The following HSD11B1 variants were observed in gnomAD, a reference collection of about 807,000 sequenced individuals.
The protein encoded by HSD11B1 is 11-beta-hydroxysteroid dehydrogenase 1.
Under a neutral mutation model 22.1 loss-of-function variants are expected in HSD11B1, and 15 were observed. The ratio of observed to expected loss-of-function variants is 0.68; its 90% CI spans 0.45 to 1.04. The LOEUF (loss-of-function observed/expected upper bound fraction) is 1.04. Ranked by LOEUF, HSD11B1 falls within the 50% of genes least tolerant of loss-of-function variation. The probability of loss-of-function intolerance (pLI) is 0.00; values close to 1 mark genes in which losing one functional copy is unlikely to be tolerated. For missense variants in HSD11B1, 281 were observed against 357.6 expected, an observed-to-expected ratio of 0.79 and a Z score of 1.73; for synonymous variants, 122 against 125.2, an observed-to-expected ratio of 0.97 and a Z score of 0.17.
At chr1:209,700,188 T>C (rs143196779), upstream of HSD11B1, among the ~76,000 whole-genome samples, 743 of 152,360 alleles carry the variant, frequency 4.9e-3, 4 homozygotes, top group African/African-American at 0.016. Flanking sequence ...AACCCGACAT[T>C]TCCCTTCCAC....
At position 209,734,206 on chromosome 1, in the gene HSD11B1, CA is replaced by C. The variant is rs550084824; in HGVS notation, c.662-94del. The C allele has an allele frequency of 3.7e-4, 345 of 923,764 alleles. 1 individual carries two copies. The highest frequency in any genetic ancestry group is 2.2e-3 in the Middle Eastern group (8 of 3,618). 57.2% of individuals were successfully genotyped at this position (923,764 alleles called of 1,614,324 possible). A position where few individuals can be genotyped will look rare whatever the true frequency, so the allele number is the denominator to read the frequency against. On this transcript the variant is annotated intron_variant, in intron 5 of 5. Transcript: ENST00000367027. ...GTGAGGCTTGCAGAGCAAACACTGC[CA>C]AAAGCCCCTGACAGCTAAGTGGTTG... is the stretch of plus-strand genomic sequence containing the variant.
At chr1:209,712,251 A>G (rs2076902429) in intron 4 of HSD11B1, among the ~76,000 whole-genome samples, 2 of 152,312 alleles carry the variant, frequency 1.3e-5, no homozygotes, top group South Asian at 4.1e-4. Context: ...TCTTAACAAT[A>G]AGAAAAAGAA....
At chr1:209,714,611 C>T (rs1449901323) in intron 4 of HSD11B1, among the ~76,000 whole-genome samples, 1 of 152,156 alleles carries the variant, frequency 6.6e-6, no homozygotes, top group African/African-American at 2.4e-5. Flanking sequence ...CGTGTCAGGG[C>T]TTCTTAATAA....
At chr1:209,687,910 G>C (rs999019034) in intron 1 of HSD11B1, among the ~76,000 whole-genome samples, 1 of 152,216 alleles carries the variant, frequency 6.6e-6, no homozygotes, top group Admixed American at 6.5e-5. Flanking sequence ...TTTGTCATGA[G>C]AGAACTAGAA....
chr1:209,721,402 G>GA (rs148001373), intron 4 of HSD11B1, among the ~76,000 whole-genome samples: 2,268 of 98,610 alleles, frequency 0.023, 51 homozygotes, highest in African/African-American at 0.079. Flanking sequence ...TGGCTCAGCA[G>GA]AAAAAAAAAA....
At chr1:209,729,363 A>AACAC (rs34574844) in intron 4 of HSD11B1, among the ~76,000 whole-genome samples, 3,076 of 146,410 alleles carry the variant, frequency 0.021, 48 homozygotes, top group East Asian at 0.04. Context: ...TGCCTCGGAA[A>AACAC]ACACACACAC....
intron 1 of HSD11B1, among the ~76,000 whole-genome samples, 189 bp from the exon 2 acceptor site, chr1:209,705,622 C>T (rs972728274): frequency 1.3e-5 from 2 of 152,184 alleles, no homozygotes; most frequent in African/African-American, 4.8e-5. Context: ...GCCCAAACCT[C>T]CCACTTCAGA....
chr1:209,695,705 G>A (rs995136668), intron 1 of HSD11B1, among the ~76,000 whole-genome samples: 4 of 152,342 alleles, frequency 2.6e-5, no homozygotes, highest in African/African-American at 9.6e-5. Context: ...TACTCAGGAG[G>A]CTGAGGCAGG....
intron 4 of HSD11B1, among the ~76,000 whole-genome samples, chr1:209,730,266 C>T (rs536703669): frequency 1.3e-5 from 2 of 152,306 alleles, no homozygotes; most frequent in East Asian, 1.9e-4. Context: ...ACTTACATGA[C>T]GTCTTCAAGA....
upstream of HSD11B1, among the ~76,000 whole-genome samples, chr1:209,701,915 A>G (rs143531991): frequency 5.6e-3 from 855 of 152,168 alleles, 14 homozygotes; most frequent in African/African-American, 0.02. Context: ...GGTGAGAATG[A>G]TCAAATCAGA....
At chr1:209,693,064 C>T (rs1165717767) in intron 1 of HSD11B1, among the ~76,000 whole-genome samples, 1 of 152,140 alleles carries the variant, frequency 6.6e-6, no homozygotes, top group African/African-American at 2.4e-5. Context: ...AGTAGCCATC[C>T]GAGCTGTCTC....
intron 1 of HSD11B1, among the ~76,000 whole-genome samples, chr1:209,686,721 C>T (rs2076731069): frequency 1.3e-5 from 2 of 152,240 alleles, no homozygotes; most frequent in African/African-American, 2.4e-5. Flanking sequence ...AAACACTATG[C>T]TGTATCTTGG....
At chr1:209,708,858 G>A (rs1420249836) in intron 4 of HSD11B1, among the ~76,000 whole-genome samples, 2 of 152,142 alleles carry the variant, frequency 1.3e-5, no homozygotes, top group Admixed American at 6.5e-5. Context: ...ATGACACTTG[G>A]TAATTTCCAT....
intron 1 of HSD11B1, among the ~76,000 whole-genome samples, chr1:209,698,322 C>T (rs1028752735): frequency 3.3e-5 from 5 of 152,170 alleles, no homozygotes; most frequent in Admixed American, 2.6e-4. Context: ...TTTAACTGGG[C>T]ATTCTGTATT....
At chr1:209,721,994 G>A (rs2076969863) in intron 4 of HSD11B1, among the ~76,000 whole-genome samples, 3 of 152,150 alleles carry the variant, frequency 2.0e-5, no homozygotes, top group South Asian at 2.1e-4. Context: ...TGCCCTGAGC[G>A]TCGGTGGATA....
In HSD11B1 at chr1:209,707,055, G is replaced by A. The variant is rs369189519; in HGVS notation, c.444G>A (p.Val148=). 1.9e-6 allele frequency: 3 copies of A among 1,613,884 alleles called. No homozygotes were observed. The highest frequency in any genetic ancestry group is 2.7e-5 in the African/African-American group (2 of 74,890). The change falls in exon 4 of 6, where the codon GTG becomes GTA. Residue 148 remains valine (V), a synonymous_variant. Coordinates refer to ENST00000367027, the MANE Select transcript of HSD11B1 (RefSeq NM_005525.4). Reference sequence around the variant, plus strand: ...TGGAAGTCAACTTCCTCAGTTACGTGGTCCTGACTGTAGCTGCCTTGCCCA... The same window carrying A: ...TGGAAGTCAACTTCCTCAGTTACGTAGTCCTGACTGTAGCTGCCTTGCCCA... ...KSMEVNFLSY[V]VLTVAALPML... is the part of the protein sequence containing the mutation.
chr1:209,709,427 C>T (rs2076880678), intron 4 of HSD11B1, among the ~76,000 whole-genome samples: 1 of 152,130 alleles, frequency 6.6e-6, no homozygotes, highest in Non-Finnish European at 1.5e-5. Flanking sequence ...TGTAACATCC[C>T]GTTACATTGA....
chr1:209,734,196 C>A (rs2077052998), intron 5 of HSD11B1, 108 bp from the exon 6 acceptor site: 2 of 821,418 alleles, frequency 2.4e-6, no homozygotes, highest in East Asian at 2.6e-5. Flanking sequence ...GCTTGCAGAG[C>A]AAACACTGCC....
At chr1:209,716,020 G>A (rs553827854) in intron 4 of HSD11B1, among the ~76,000 whole-genome samples, 1 of 152,100 alleles carries the variant, frequency 6.6e-6, no homozygotes, top group African/African-American at 2.4e-5. Context: ...TCTAATAATT[G>A]GAACTAAACA....
Sources: gnomAD v4.1 joint callset for allele counts (sites outside exome capture counted in the v4.1 genomes callset) on GRCh38, gnomAD v4.1.1 for gene constraint, MANE v1.5 for transcripts, NCBI Gene and HGNC (gene_info 2026-07-23, HGNC 2026-07-21) for gene names.